Variants in CCSER1 observed in about 807,000 individuals in gnomAD.
The protein encoded by CCSER1 is serine-rich coiled-coil domain-containing protein 1.
A neutral mutation model predicts 82.0 loss-of-function variants in CCSER1; 41 were observed. The ratio of observed to expected loss-of-function variants is 0.50; its 90% CI spans 0.39 to 0.65. The LOEUF (loss-of-function observed/expected upper bound fraction) is 0.65. CCSER1 is among the 30% of genes least tolerant of loss of function. The pLI is 0.00. For missense variants in CCSER1, 1,119 were observed against 1,064.2 expected (o/e 1.05, Z -0.72); for synonymous variants, 414 against 383.9 (o/e 1.08, Z -0.92).
intron 10 of CCSER1, among the ~76,000 whole-genome samples, chr4:91,595,338 C>G (rs73836294): frequency 0.099 from 15,112 of 152,218 alleles, 775 homozygotes; most frequent in Middle Eastern, 0.16. Flanking sequence ...ATCTGTCTCA[C>G]AGTCTGTGTT....
chr4:90,941,796 T>C (rs949959129), intron 9 of CCSER1, among the ~76,000 whole-genome samples: 1 of 152,170 alleles, frequency 6.6e-6, no homozygotes, highest in African/African-American at 2.4e-5. Flanking sequence ...TCAGTTTCAT[T>C]TGCTATATTT....
At chr4:91,157,689 C>A (rs1035644665) in intron 10 of CCSER1, among the ~76,000 whole-genome samples, 7 of 151,934 alleles carry the variant, frequency 4.6e-5, no homozygotes, top group Admixed American at 3.3e-4. Context: ...CTTGTCTTTC[C>A]AGAATTTGTA....
chr4:90,304,091 C>T (rs1447631017), intron 1 of CCSER1, among the ~76,000 whole-genome samples: 3 of 152,204 alleles, frequency 2.0e-5, no homozygotes, highest in South Asian at 2.1e-4. Flanking sequence ...ATCAAAACCA[C>T]AATGAGATAC....
intron 4 of CCSER1, among the ~76,000 whole-genome samples, chr4:90,407,152 TA>T (rs1753853309): frequency 6.6e-6 from 1 of 152,088 alleles, no homozygotes; most frequent in Non-Finnish European, 1.5e-5. Flanking sequence ...AAAATCCAAA[TA>T]ATCTCAATTA....
intron 10 of CCSER1, among the ~76,000 whole-genome samples, chr4:91,396,373 T>A (rs963220068): frequency 6.6e-6 from 1 of 152,106 alleles, no homozygotes; most frequent in Non-Finnish European, 1.5e-5. Context: ...TCTCAAATGT[T>A]CAACTTCAGA....
At chr4:90,237,254 T>C (rs1275835175) in intron 1 of CCSER1, among the ~76,000 whole-genome samples, 1 of 152,212 alleles carries the variant, frequency 6.6e-6, no homozygotes, top group Non-Finnish European at 1.5e-5. Context: ...TCGAAATTTG[T>C]AGGAAGACAA....
chr4:91,241,365 GC>G (rs1384069883), intron 10 of CCSER1, among the ~76,000 whole-genome samples: 1 of 135,922 alleles, frequency 7.4e-6, no homozygotes, highest in Middle Eastern at 3.8e-3. Context: ...TTGCTCTGTC[GC>G]CCAGGCTGGA....
At chr4:90,311,399 A>G (rs1204354130) in intron 2 of CCSER1, among the ~76,000 whole-genome samples, 1 of 147,782 alleles carries the variant, frequency 6.8e-6, no homozygotes, top group Non-Finnish European at 1.5e-5. Context: ...TTGTAACACA[A>G]TAACACATTA....
chr4:90,672,605 T>G (rs182666355), intron 6 of CCSER1, among the ~76,000 whole-genome samples: 99 of 152,178 alleles, frequency 6.5e-4, no homozygotes, highest in Non-Finnish European at 9.4e-4. Flanking sequence ...TTTAATTTCC[T>G]TCAGGAATGT....
intron 10 of CCSER1, among the ~76,000 whole-genome samples, chr4:91,151,124 T>C (rs1730145596): frequency 6.6e-6 from 1 of 152,204 alleles, no homozygotes; most frequent in East Asian, 1.9e-4. Context: ...TGGTAGGCTA[T>C]TAATTATTGC....
intron 5 of CCSER1, among the ~76,000 whole-genome samples, chr4:90,499,799 G>A (rs1578824549): frequency 6.6e-6 from 1 of 152,162 alleles, no homozygotes; most frequent in East Asian, 1.9e-4. Context: ...AGCTTTTAGG[G>A]CACCCTCTAA....
chr4:90,321,858 G>A (rs538506369), intron 3 of CCSER1, among the ~76,000 whole-genome samples: 49 of 152,110 alleles, frequency 3.2e-4, no homozygotes, highest in Middle Eastern at 3.4e-3. Context: ...CTTTTCTATT[G>A]AGTTGTGTTA....
chr4:91,598,198 G>A (rs1485996878), intron 10 of CCSER1, among the ~76,000 whole-genome samples: 1 of 151,988 alleles, frequency 6.6e-6, no homozygotes, highest in Non-Finnish European at 1.5e-5. Context: ...AAAAGCTAAT[G>A]GCCTCATATG....
chr4:91,037,460 T>C (rs1175515446), intron 9 of CCSER1, among the ~76,000 whole-genome samples: 1 of 152,224 alleles, frequency 6.6e-6, no homozygotes, highest in Non-Finnish European at 1.5e-5. Flanking sequence ...ACTTTTGGGA[T>C]TGGAGGACAA....
intron 4 of CCSER1, among the ~76,000 whole-genome samples, chr4:90,443,574 G>A (rs1038495390): frequency 2.6e-5 from 4 of 151,972 alleles, no homozygotes; most frequent in Admixed American, 6.6e-5. Flanking sequence ...CTGAAAATGC[G>A]GAAAGCAAAG....
chr4:90,574,010 GA>G (rs144177470), intron 5 of CCSER1, among the ~76,000 whole-genome samples: 2,820 of 151,368 alleles, frequency 0.019, 94 homozygotes, highest in African/African-American at 0.064. Flanking sequence ...TGGAGTGAAT[GA>G]AGGATATTGT....
chr4:90,578,181 ACTT>A (rs1579268622), intron 5 of CCSER1, among the ~76,000 whole-genome samples: 1 of 151,714 alleles, frequency 6.6e-6, no homozygotes, highest in Non-Finnish European at 1.5e-5. Flanking sequence ...TTAGCTTTAT[ACTT>A]CTTCTGTAAT....
At chr4:90,938,534 A>G (rs1204457181) in intron 9 of CCSER1, 1 of 175,582 alleles carries the variant, frequency 5.7e-6, no homozygotes, top group African/African-American at 2.4e-5. Context: ...GCAATTTTTG[A>G]TTGAGAAAAT....
rs148351875 is a variant in CCSER1, at chr4:91,373,240, A to G, written c.2218-225332A>G. On this transcript the variant is annotated intron_variant, in intron 10 of 10. Coordinates refer to ENST00000509176, the MANE Select transcript of CCSER1 (RefSeq NM_001145065.2). ...AGTTACAGATGATACAGGATATGCAATTATAGGCACATCTCATGTTATTGT... is the reference window on the plus strand; with the variant it reads ...AGTTACAGATGATACAGGATATGCAGTTATAGGCACATCTCATGTTATTGT... Among the ~76,000 whole-genome samples, 312 of 152,212 alleles carry G rather than the reference A, an allele frequency of 2.0e-3. 2 individuals are homozygous for G. The highest frequency in any genetic ancestry group is 7.1e-3 in the African/African-American group (294 of 41,520).
Sources: gnomAD v4.1 joint callset for allele counts (sites outside exome capture counted in the v4.1 genomes callset) on GRCh38, gnomAD v4.1.1 for gene constraint, MANE v1.5 for transcripts, NCBI Gene and HGNC (gene_info 2026-07-23, HGNC 2026-07-21) for gene names.